TMEM38B: variants seen among roughly 807,000 people sequenced by gnomAD.
TMEM38B encodes the protein trimeric intracellular cation channel type B.
Under a neutral mutation model 28.7 loss-of-function variants are expected in TMEM38B, and 24 were observed. The observed-to-expected ratio is 0.84, with a 90% CI of 0.61 to 1.18. The LOEUF is 1.18. Among genes scored for constraint, TMEM38B ranks in the 50% most tolerant of loss-of-function variants. TMEM38B has a pLI of 0.00. For missense variants in TMEM38B, 380 were observed against 350.9 expected, an observed-to-expected ratio of 1.08 and a Z score of -0.66; for synonymous variants, 131 against 127.7, an observed-to-expected ratio of 1.03 and a Z score of -0.17.
intron 1 of TMEM38B, among the ~76,000 whole-genome samples, chr9:105,695,967 A>AT (rs1191242002): frequency 5.3e-5 from 8 of 152,018 alleles, no homozygotes; most frequent in African/African-American, 1.2e-4. Flanking sequence ...GATTAAAAAA[A>AT]TTTTTTTTTG....
At position 105,736,079 on chromosome 9, in the gene TMEM38B, A is replaced by G. The variant is rs140144506; in HGVS notation, c.543-11994A>G. ...TGTTTTTTTTTTTTTTGGTAGAGAT[A>G]GGATCTCACTATGTTGCCCAGGCTT... On this transcript the variant is annotated intron_variant, in intron 4 of 5. Coordinates refer to ENST00000374692, the MANE Select transcript of TMEM38B (RefSeq NM_018112.3). 1.1e-4 allele frequency among the ~76,000 whole-genome samples: 17 copies of G among 149,502 alleles called. No individual in the cohort carries two copies. In the East Asian group the frequency reaches 3.1e-3, roughly 27 times the overall value.
At chr9:105,728,186 G>A (rs938857813) in intron 4 of TMEM38B, among the ~76,000 whole-genome samples, 1 of 152,128 alleles carries the variant, frequency 6.6e-6, no homozygotes, top group African/African-American at 2.4e-5. Flanking sequence ...TTGGTTTGCT[G>A]TACCTATCAA....
chr9:105,750,028 A>T (rs1337018268), intron 5 of TMEM38B, among the ~76,000 whole-genome samples: 1 of 152,118 alleles, frequency 6.6e-6, no homozygotes, highest in East Asian at 1.9e-4. Flanking sequence ...ACTAGCGCAT[A>T]TTATTGTCTT....
chr9:105,718,202 C>T (rs1259898627), intron 2 of TMEM38B, among the ~76,000 whole-genome samples: 1 of 150,202 alleles, frequency 6.7e-6, no homozygotes. Context: ...TCAAAGTTTT[C>T]ATATTTAGAA....
At chr9:105,737,088 G>T (rs920280751) in intron 4 of TMEM38B, among the ~76,000 whole-genome samples, 1 of 152,230 alleles carries the variant, frequency 6.6e-6, no homozygotes, top group Non-Finnish European at 1.5e-5. Flanking sequence ...GCTGCAGGGT[G>T]CGTGCTTGGA....
chr9:105,711,052 T>C (rs1275667414), intron 2 of TMEM38B, among the ~76,000 whole-genome samples: 5 of 152,202 alleles, frequency 3.3e-5, no homozygotes, highest in African/African-American at 7.2e-5. Flanking sequence ...AAAGTATTTA[T>C]AAAGTTATGC....
At chr9:105,734,292 T>C (rs189428046) in intron 4 of TMEM38B, among the ~76,000 whole-genome samples, 42 of 152,284 alleles carry the variant, frequency 2.8e-4, no homozygotes, top group African/African-American at 9.6e-4. Flanking sequence ...TATACTATTG[T>C]GGTCAAAATG....
chr9:105,696,131 C>G (rs898953836), intron 1 of TMEM38B, among the ~76,000 whole-genome samples: 5 of 152,200 alleles, frequency 3.3e-5, no homozygotes, highest in African/African-American at 1.2e-4. Flanking sequence ...CAGAGGCTAC[C>G]TGAGTTGTGA....
chr9:105,744,111 G>C (rs1837300391), intron 4 of TMEM38B, among the ~76,000 whole-genome samples: 1 of 151,638 alleles, frequency 6.6e-6, no homozygotes, highest in African/African-American at 2.4e-5. Flanking sequence ...CAAAACCATG[G>C]GTTGGGATAA....
chr9:105,740,966 C>T (rs534140034), intron 4 of TMEM38B, among the ~76,000 whole-genome samples: 30 of 140,458 alleles, frequency 2.1e-4, no homozygotes, highest in African/African-American at 8.2e-4. Context: ...GAAATGTTAC[C>T]GATATGGGAA....
At chr9:105,702,484 G>T (rs1181879049) in intron 1 of TMEM38B, among the ~76,000 whole-genome samples, 2 of 152,152 alleles carry the variant, frequency 1.3e-5, no homozygotes, top group African/African-American at 4.8e-5. Context: ...AAGAAGTCAT[G>T]TATGCAGTGC....
intron 2 of TMEM38B, chr9:105,710,858 A>C (rs1008554247): frequency 5.6e-6 from 2 of 354,720 alleles, no homozygotes; most frequent in African/African-American, 4.3e-5. Flanking sequence ...AGCCTCAGAC[A>C]CACACAGCCA....
intron 3 of TMEM38B, among the ~76,000 whole-genome samples, chr9:105,722,315 C>T (rs1215928107): frequency 2.6e-5 from 4 of 152,024 alleles, no homozygotes; most frequent in African/African-American, 7.2e-5. Context: ...TCTTTGTGCC[C>T]GAGGCCCCAG....
At chr9:105,695,832 G>T (rs1247873377) in intron 1 of TMEM38B, among the ~76,000 whole-genome samples, 2 of 152,038 alleles carry the variant, frequency 1.3e-5, no homozygotes, top group African/African-American at 4.8e-5. Context: ...TTAAATCGTT[G>T]GTACAAATTT....
intron 4 of TMEM38B, among the ~76,000 whole-genome samples, chr9:105,743,184 T>TA (rs1341175776): frequency 6.6e-6 from 1 of 152,240 alleles, no homozygotes; most frequent in Non-Finnish European, 1.5e-5. Flanking sequence ...GATTCTTTCT[T>TA]AGAGTTTCTG....
chr9:105,759,216 T>G, intron 5 of TMEM38B: 1 of 720,106 alleles, frequency 1.4e-6, no homozygotes, highest in African/African-American at 1.7e-5. Context: ...ATATTATGAA[T>G]TATTTGTGAA....
intron 5 of TMEM38B, among the ~76,000 whole-genome samples, chr9:105,765,171 TAG>T (rs1376864965): frequency 1.1e-4 from 17 of 152,348 alleles, no homozygotes; most frequent in African/African-American, 4.1e-4. Flanking sequence ...TTTTTGTTTA[TAG>T]ATTTGTAAAA....
In TMEM38B at chr9:105,705,692, G is replaced by C. The variant is rs1588390209; in HGVS notation, c.208G>C (p.Ala70Pro). ...AGGAATTTTATCCTGTCTACTGCTT[G>C]CAGAGCCTCCATTGAAGTTTCTTGC... The part of the protein sequence containing the change: ...GGGILSCLLL[A>P]EPPLKFLANH... Residue 70 changes from alanine (A) to proline (P), a missense_variant, in exon 2 of 6, where the codon GCA becomes CCA. Physicochemically the swap from Ala to Pro is conservative, Grantham distance 27. Transcript: ENST00000374692. The C allele has an allele frequency of 6.2e-7, 1 of 1,613,978 alleles. No individual in the cohort carries two copies. The highest frequency in any genetic ancestry group is 2.2e-5 in the East Asian group (1 of 44,856).
At chr9:105,760,076 G>A (rs1837983575) in intron 5 of TMEM38B, 9 of 1,035,478 alleles carry the variant, frequency 8.7e-6, no homozygotes, top group Middle Eastern at 2.1e-4. Context: ...ACTGGTACAC[G>A]AAGTTTGCTG....
Sources: allele counts gnomAD v4.1 joint callset (sites outside exome capture counted in the v4.1 genomes callset), GRCh38; gene constraint gnomAD v4.1.1; transcripts MANE v1.5; gene names NCBI Gene and HGNC (gene_info 2026-07-23, HGNC 2026-07-21).